The following SPATC1 variants were observed in gnomAD, a reference collection of about 807,000 sequenced individuals.
SPATC1 encodes the protein spermatogenesis and centriole associated 1.
In SPATC1, 35 loss-of-function variants were observed where a neutral mutation model predicts 36.5. The observed-to-expected ratio is 0.96, with a 90% CI of 0.73 to 1.27. The LOEUF is 1.27. SPATC1 is among the 50% of genes most tolerant of loss of function. The pLI is 0.00. For synonymous variants in SPATC1, 361 were observed against 353.6 expected, an observed-to-expected ratio of 1.02 and a Z score of -0.24; for missense variants, 779 against 796.0, an observed-to-expected ratio of 0.98 and a Z score of 0.26.
At chr8:144,029,144 T>C (rs1834744446) in intron 1 of SPATC1, among the ~76,000 whole-genome samples, 1 of 136,862 alleles carries the variant, frequency 7.3e-6, no homozygotes, top group Non-Finnish European at 1.5e-5. Context: ...AGCAAACCAC[T>C]GTGGCACACA....
intron 1 of SPATC1, among the ~76,000 whole-genome samples, chr8:144,022,504 C>T (rs1204150500): frequency 0.028 from 669 of 23,778 alleles, 18 homozygotes; most frequent in Non-Finnish European, 0.038. Flanking sequence ...CAAGATCCTC[C>T]CCCCTCAGGA....
chr8:144,039,219 G>A (rs941498135), intron 1 of SPATC1, among the ~76,000 whole-genome samples: 3 of 152,308 alleles, frequency 2.0e-5, no homozygotes, highest in African/African-American at 7.2e-5. Flanking sequence ...GCTTCTCCCC[G>A]AAACAGTGGC....
rs781792898 is a variant in SPATC1 at position 144,046,908 on chromosome 8, C to T, written c.1728C>T (p.Cys576=). ...MLADALLLLS[C]LSQLAHDDGK... The stretch of plus-strand genomic sequence containing the variant: ...CCGACGCGCTGCTGCTGCTCTCCTG[C>T]CTCAGCCAGCTGGCGCACGATGACG... The change falls in exon 5 of 5, where the codon TGC becomes TGT. Residue 576 remains cysteine, a synonymous_variant. Transcript: ENST00000377470. The surrounding 1 kb of genome is among the most constrained non-coding windows in gnomAD (Gnocchi z 6.6). 15 of 1,599,008 alleles carry T rather than the reference C, an allele frequency of 9.4e-6. No homozygotes were observed. The highest frequency in any genetic ancestry group is 1.3e-5 in the Non-Finnish European group (15 of 1,179,690).
rs1554756736 is a variant in SPATC1, at chr8:144,046,317, G to A, written c.1447-310G>A. Among the ~76,000 whole-genome samples, 1 of 152,154 alleles carries A rather than the reference G, an allele frequency of 6.6e-6. No homozygotes were observed. ...CTCAGTCCCTGGAGGCCTCAGCCCA[G>A]TTGCACTCCCTGGTGGTGCGTGGAG... On this transcript the variant is annotated intron_variant, in intron 4 of 4. Transcript: ENST00000377470. The surrounding 1 kb of genome is among the most constrained non-coding windows in gnomAD (Gnocchi z 6.6).
At chr8:144,042,309 ATATTTTTTT>A (rs1286629636) in intron 4 of SPATC1, among the ~76,000 whole-genome samples, 14 of 42,404 alleles carry the variant, frequency 3.3e-4, no homozygotes, top group African/African-American at 1.8e-3. Context: ...ATATATATAT[ATATTTTTTT>A]TTTTTTTTTT....
chr8:144,043,443 G>A (rs1452781377), intron 4 of SPATC1, among the ~76,000 whole-genome samples: 8 of 152,090 alleles, frequency 5.3e-5, no homozygotes, highest in African/African-American at 1.2e-4. Context: ...CACCAGGCCC[G>A]GCTAATTTTT....
In SPATC1 at chr8:144,046,031, C is replaced by T. The variant is rs528627842; in HGVS notation, c.1447-596C>T. Among the ~76,000 whole-genome samples, 28 of 152,288 alleles carry T rather than the reference C, an allele frequency of 1.8e-4. No individual in the cohort carries two copies. The highest frequency in any genetic ancestry group is 5.8e-4 in the East Asian group (3 of 5,170). On this transcript the variant is annotated intron_variant, in intron 4 of 4. Coordinates refer to ENST00000377470, the MANE Select transcript of SPATC1 (RefSeq NM_198572.3). This position sits in a 1 kb window ranked among gnomAD's most constrained non-coding sequence, Gnocchi z 6.6. ...GGCCCTGGCCCCAGGCCCAGGAGGA[C>T]GCAGATGGAGACAGGCCCCTCAGCG...
rs146819380 is a variant in SPATC1, at chr8:144,040,725, C to T, written c.924C>T (p.Ala308=). 6.9e-5 allele frequency: 111 copies of T among 1,613,536 alleles called. No individual in the cohort carries two copies. The African/African-American group carries it at 1.3e-3, about 19-fold the overall frequency. ...AFSFNTSDTQ[A]QPSAAQEQVV... Reference sequence around the variant, plus strand: ...CCTTCAACACTTCGGACACACAGGCCCAGCCCAGTGCCGCCCAGGAACAAG... The same window carrying T: ...CCTTCAACACTTCGGACACACAGGCTCAGCCCAGTGCCGCCCAGGAACAAG... Residue 308 remains alanine, a synonymous_variant, in exon 3 of 5, where the codon GCC becomes GCT. Coordinates refer to ENST00000377470, the MANE Select transcript of SPATC1 (RefSeq NM_198572.3).
chr8:144,044,776 G>T (rs548328319), intron 4 of SPATC1, among the ~76,000 whole-genome samples: 2 of 151,792 alleles, frequency 1.3e-5, no homozygotes, highest in Non-Finnish European at 1.5e-5. Flanking sequence ...ATGAAACCCC[G>T]TCTCTACTAA....
chr8:144,013,851 G>C (rs1279247002), intron 1 of SPATC1, among the ~76,000 whole-genome samples: 3 of 152,214 alleles, frequency 2.0e-5, no homozygotes, highest in Non-Finnish European at 4.4e-5. Context: ...AGCTACTCGG[G>C]AGGCTGAGGC....
At chr8:144,038,526 C>T (rs1834975378) in intron 1 of SPATC1, among the ~76,000 whole-genome samples, 1 of 151,868 alleles carries the variant, frequency 6.6e-6, no homozygotes, top group African/African-American at 2.4e-5. Flanking sequence ...TGCAGTGGCA[C>T]GATCACAGTG....
At chr8:144,014,238 C>T (rs552153623) in intron 1 of SPATC1, among the ~76,000 whole-genome samples, 35 of 124,844 alleles carry the variant, frequency 2.8e-4, no homozygotes, top group Non-Finnish European at 4.3e-4. Flanking sequence ...GCAAAAAGAG[C>T]GAAATTTTGA....
At chr8:144,030,991 A>T (rs1351729713) in intron 1 of SPATC1, among the ~76,000 whole-genome samples, 4 of 152,202 alleles carry the variant, frequency 2.6e-5, no homozygotes, top group African/African-American at 7.2e-5. Flanking sequence ...GCACACTAGC[A>T]TATATTTATA....
Position 144,046,844 on chromosome 8 carries a change from A to G in SPATC1, c.1664A>G (p.Gln555Arg). 6.2e-7 allele frequency: 1 copy of G among 1,602,648 alleles called. No homozygotes were observed. Among genetic ancestry groups the G allele is most frequent in the Non-Finnish European group, 8.5e-7 (1 of 1,179,862 alleles). The stretch of plus-strand genomic sequence containing the variant: ...GGCCCCTACACCGTGGACTTCCTGC[A>G]GCGTGTGGTGGTGGAGACCGTGCAC... ...EGGPYTVDFL[Q>R]RVVVETVHPG... The change falls in exon 5 of 5, where the codon CAG becomes CGG. Residue 555 changes from glutamine (Q) to arginine (R), a missense_variant. Gln to Arg is a conservative substitution (Grantham distance 43). Coordinates refer to ENST00000377470, the MANE Select transcript of SPATC1 (RefSeq NM_198572.3). The surrounding 1 kb of genome is among the most constrained non-coding windows in gnomAD (Gnocchi z 6.6).
At chr8:144,032,243 C>T (rs1024564779) in intron 1 of SPATC1, among the ~76,000 whole-genome samples, 4 of 151,976 alleles carry the variant, frequency 2.6e-5, no homozygotes, top group East Asian at 1.9e-4. Context: ...GAATCCCTCT[C>T]GTGAATTTTT....
intron 1 of SPATC1, among the ~76,000 whole-genome samples, chr8:144,038,659 G>A (rs1834979084): frequency 1.3e-5 from 2 of 152,086 alleles, no homozygotes; most frequent in South Asian, 4.2e-4. Context: ...GTTTTTTGTA[G>A]AGACATGGTC....
In SPATC1 at chr8:144,016,281, A is replaced by G. The variant is rs1425897842; in HGVS notation, c.211+3555A>G. Reference sequence around the variant, plus strand: ...CAAAAAAACAGTGCATGTGTGTGTGAGAGGATATGGTGTATCTGCTTTGAC... The same window carrying G: ...CAAAAAAACAGTGCATGTGTGTGTGGGAGGATATGGTGTATCTGCTTTGAC... On this transcript the variant is annotated intron_variant, in intron 1 of 4. Coordinates refer to ENST00000377470, the MANE Select transcript of SPATC1 (RefSeq NM_198572.3). The surrounding 1 kb of genome is among the most constrained non-coding windows in gnomAD (Gnocchi z 4.5). Among the ~76,000 whole-genome samples, 1 of 152,038 alleles carries G rather than the reference A, an allele frequency of 6.6e-6. No homozygotes were observed. Among genetic ancestry groups the G allele is most frequent in the Non-Finnish European group, 1.5e-5 (1 of 67,994 alleles).
chr8:144,033,994 G>A (rs1834849750), intron 1 of SPATC1, among the ~76,000 whole-genome samples: 1 of 152,234 alleles, frequency 6.6e-6, no homozygotes, highest in Non-Finnish European at 1.5e-5. Context: ...CATTCGTGCT[G>A]GCGGGATGCA....
At position 144,046,957 on chromosome 8, in the gene SPATC1, C is replaced by G; in HGVS notation, c.*1C>G. ...CGGCAAGCCCATGTTCATCTGGTGA[C>G]GCTGGAGCTGGGAGGTCCAGGCTCG... On this transcript the variant is annotated 3_prime_UTR_variant, in exon 5 of 5. Coordinates refer to ENST00000377470, the MANE Select transcript of SPATC1 (RefSeq NM_198572.3). The surrounding 1 kb of genome is among the most constrained non-coding windows in gnomAD (Gnocchi z 6.6). The G allele has an allele frequency of 6.3e-7, 1 of 1,594,144 alleles. No individual in the cohort carries two copies. The highest frequency in any genetic ancestry group is 1.7e-5 in the Admixed American group (1 of 59,874).
Sources: gnomAD v4.1 joint callset for allele counts (sites outside exome capture counted in the v4.1 genomes callset) on GRCh38, gnomAD v4.1.1 for gene constraint, Gnocchi (gnomAD v3.1) non-coding constraint, MANE v1.5 for transcripts, NCBI Gene and HGNC (gene_info 2026-07-23, HGNC 2026-07-21) for gene names.